ZDHHC11: variants seen among roughly 807,000 people sequenced by gnomAD.
ZDHHC11 encodes palmitoyltransferase ZDHHC11.
Under a neutral mutation model 51.3 loss-of-function variants are expected in ZDHHC11, and 44 were observed. The ratio of observed to expected loss-of-function variants is 0.86; its 90% confidence interval spans 0.67 to 1.10. The LOEUF (loss-of-function observed/expected upper bound fraction) is 1.10. Ranked by LOEUF, ZDHHC11 falls within the 50% of genes least tolerant of loss-of-function variation. The probability of loss-of-function intolerance (pLI) is 0.00; values close to 1 mark genes in which losing one functional copy is unlikely to be tolerated. For synonymous variants in ZDHHC11, 163 were observed against 222.0 expected (o/e 0.73, Z 2.36); for missense variants, 400 against 537.7 (o/e 0.74, Z 2.53).
chr5:842,843 G>C (rs139911083), intron 4 of ZDHHC11, among the ~76,000 whole-genome samples: 1 of 151,502 alleles, frequency 6.6e-6, no homozygotes, highest in African/African-American at 2.4e-5. Flanking sequence ...GGCTCCCGGC[G>C]ACCCCGGGCT....
rs530297907 is a variant in ZDHHC11 at position 820,568 on chromosome 5, G to A, written c.1059-956C>T. Among the ~76,000 whole-genome samples, 96 of 151,352 alleles carry A rather than the reference G, an allele frequency of 6.3e-4. 2 individuals carry two copies. Among genetic ancestry groups the A allele is most frequent in the African/African-American group, 2.2e-3 (89 of 41,362 alleles). ...GCCGGTGTCTGTGAGGGGTGGGGCT[G>A]GTGCACACCTGGGGAAGGGGGGCTG... On this transcript the variant is annotated intron_variant, in intron 9 of 12. Transcript: ENST00000283441.
In ZDHHC11 at chr5:819,573, C is replaced by G. The variant is rs377557805; in HGVS notation, c.1098G>C (p.Leu366=). 6.2e-7 allele frequency: 1 copy of G among 1,609,934 alleles called. No individual in the cohort carries two copies. Among genetic ancestry groups the G allele is most frequent in the Non-Finnish European group, 8.5e-7 (1 of 1,176,728 alleles). The stretch of plus-strand genomic sequence containing the variant: ...GGTGTACACGAGTGGAGAACTGACA[C>G]AGGCGCCTGCAAATCAGCCGGGAGT... The part of the protein sequence containing the change: ...ARNSRLICRR[L]CQFSTRVHPD... Residue 366 remains leucine, a synonymous_variant, in exon 10 of 13, where the codon CTG becomes CTC. Transcript: ENST00000283441.
chr5:803,027 A>C (rs1050927568), intron 11 of ZDHHC11, among the ~76,000 whole-genome samples: 2 of 149,998 alleles, frequency 1.3e-5, no homozygotes, highest in Non-Finnish European at 3.0e-5. Flanking sequence ...TCTCAAAAAA[A>C]AAAAAGAAAA....
intron 4 of ZDHHC11, 178 bp from the exon 5 acceptor site, chr5:840,828 C>T (rs1282259741): frequency 6.8e-7 from 1 of 1,479,994 alleles, no homozygotes; most frequent in African/African-American, 1.4e-5. Flanking sequence ...GCCCTGCTGC[C>T]TTCGGTTGGT....
At chr5:849,183 C>T (rs1226637899) in intron 1 of ZDHHC11, among the ~76,000 whole-genome samples, 1 of 152,198 alleles carries the variant, frequency 6.6e-6, no homozygotes, top group African/African-American at 2.4e-5. Flanking sequence ...CATACACAGC[C>T]CTGTGCCAGT....
At chr5:797,100 AG>A (rs1737696560) in intron 12 of ZDHHC11, among the ~76,000 whole-genome samples, 1 of 150,132 alleles carries the variant, frequency 6.7e-6, no homozygotes, top group Non-Finnish European at 1.5e-5. Flanking sequence ...CCAGCTACTC[AG>A]GAAGCTGAGG....
intron 5 of ZDHHC11, among the ~76,000 whole-genome samples, chr5:838,853 C>T (rs532449774): frequency 8.2e-5 from 12 of 146,954 alleles, no homozygotes; most frequent in South Asian, 2.1e-4. Flanking sequence ...CAGCACCCCA[C>T]GTGCTCAGCA....
At chr5:797,803 T>G (rs1376566182) in intron 12 of ZDHHC11, among the ~76,000 whole-genome samples, 8 of 151,334 alleles carry the variant, frequency 5.3e-5, no homozygotes, top group African/African-American at 1.9e-4. Context: ...ATGTGGTGGG[T>G]TGTTTTTCAT....
chr5:796,647 G>T (rs1392892309), intron 12 of ZDHHC11, 67 bp from the exon 13 acceptor site: 2 of 151,712 alleles, frequency 1.3e-5, no homozygotes, highest in Admixed American at 6.6e-5. Flanking sequence ...TACTTGTGAT[G>T]GAAACCCACC....
chr5:850,350 C>G (rs775338624), intron 1 of ZDHHC11, 31 bp downstream of exon 1: 1 of 1,606,922 alleles, frequency 6.2e-7, no homozygotes, highest in Non-Finnish European at 8.5e-7. Flanking sequence ...GAACCCCTCC[C>G]GCTTAGACCA....
rs1579645202 is a variant in ZDHHC11 at position 824,780 on chromosome 5, A to T, written c.1023+384T>A. 9.9e-5 allele frequency among the ~76,000 whole-genome samples: 15 copies of T among 151,384 alleles called. No individual in the cohort carries two copies. In the South Asian group the frequency reaches 3.1e-3, roughly 32 times the overall value. ...CTAAGCATTTTATTTAAAAAAAAAA[A>T]AAAAACAGCACATGGCTTCTGCCAT... On this transcript the variant is annotated intron_variant, in intron 8 of 12. Transcript: ENST00000283441.
chr5:803,400 G>GGATAAA (rs1301814009), intron 11 of ZDHHC11, among the ~76,000 whole-genome samples: 2 of 151,302 alleles, frequency 1.3e-5, no homozygotes, highest in East Asian at 3.8e-4. Context: ...ACTGGTCATA[G>GGATAAA]AGATAAAGGA....
At chr5:850,249 G>A in intron 1 of ZDHHC11, 132 bp downstream of exon 1, 1 of 1,055,266 alleles carries the variant, frequency 9.5e-7, no homozygotes, top group Admixed American at 2.2e-5. Context: ...TGCAGGCTCA[G>A]GGGACATAGT....
rs765958444 is a variant in ZDHHC11, at chr5:850,494, G to T, written c.109C>A (p.Pro37Thr). 6.2e-7 allele frequency: 1 copy of T among 1,613,722 alleles called. No individual in the cohort carries two copies. The highest frequency in any genetic ancestry group is 8.5e-7 in the Non-Finnish European group (1 of 1,180,032). ...RISRVNGWSL[P>T]LHYFQVVTWA... ...GTCACCACCTGGAAGTAGTGCAGGG[G>T]TAACGACCAGCCGTTCACTCTGGAG... The change falls in exon 1 of 13, where the codon CCC becomes ACC. Residue 37 changes from proline (P) to threonine (T), a missense_variant. Physicochemically the swap from Pro to Thr is conservative, Grantham distance 38. This residue lies in a region of ZDHHC11 where 119 missense variants were observed against 99.6 expected (regional missense o/e 1.20). Transcript: ENST00000283441.
chr5:840,631 C>T lies in ZDHHC11; in HGVS notation c.648G>A (p.Thr216=), dbSNP rs139619505. The T allele has an allele frequency of 1.0e-4, 164 of 1,613,754 alleles. No homozygotes were observed. Among genetic ancestry groups the T allele is most frequent in the Non-Finnish European group, 1.3e-4 (148 of 1,179,812 alleles). The change falls in exon 5 of 13, where the codon ACG becomes ACA. Residue 216 remains threonine, a synonymous_variant. Coordinates refer to ENST00000283441, the MANE Select transcript of ZDHHC11 (RefSeq NM_024786.3). The part of the protein sequence containing the change: ...PRYEDVKNMN[T]WLLFLPLFPV... The stretch of plus-strand genomic sequence containing the variant: ...GGAACAGGGGGAGGAACAGCAGCCA[C>T]GTGTTCATATTCTTGACATCTGGGG...
upstream of ZDHHC11, among the ~76,000 whole-genome samples, chr5:860,350 A>G (rs757470239): frequency 6.6e-6 from 1 of 152,106 alleles, no homozygotes; most frequent in Non-Finnish European, 1.5e-5. This position sits in a 1 kb window ranked among gnomAD's most constrained non-coding sequence, Gnocchi z 4.2. Flanking sequence ...GCCTCTTCCA[A>G]AGGTTTTCTT....
Position 795,976 on chromosome 5 carries a change from C to CTGTGCTCCCATTTCTCAGTAG in ZDHHC11, c.*591_*611dup, listed in dbSNP as rs1737518353. On this transcript the variant is annotated 3_prime_UTR_variant, in exon 13 of 13. Coordinates refer to ENST00000283441, the MANE Select transcript of ZDHHC11 (RefSeq NM_024786.3). ...AGTACTGTATGCCCATTTCCCAGTA[C>CTGTGCTCCCATTTCTCAGTAG]TGTGCTCCCATTTCTCAGTAGTGTA... The CTGTGCTCCCATTTCTCAGTAG allele has an allele frequency of 7.8e-5, 12 of 154,092 alleles. No homozygotes were observed. Among genetic ancestry groups the CTGTGCTCCCATTTCTCAGTAG allele is most frequent in the African/African-American group, 2.9e-4 (12 of 40,838 alleles). The allele number at this position is 154,092 out of a possible 1,614,324, so 9.5% of individuals were successfully genotyped here.
upstream of ZDHHC11, among the ~76,000 whole-genome samples, chr5:858,998 C>T (rs1282381289): frequency 1.3e-5 from 2 of 151,924 alleles, no homozygotes; most frequent in East Asian, 1.9e-4. Context: ...CTGCCCTGGT[C>T]GACACGGTAG....
intron 10 of ZDHHC11, chr5:816,727 GAGA>G (rs1409115048): frequency 2.4e-5 from 13 of 543,624 alleles, no homozygotes; most frequent in Middle Eastern, 3.1e-4. Context: ...CTCATCTAAG[GAGA>G]AGACCATCTT....
Sources: gnomAD v4.1 joint callset for allele counts (sites outside exome capture counted in the v4.1 genomes callset) on GRCh38, gnomAD v4.1.1 for gene constraint, gnomAD v4.1.1 regional missense constraint, Gnocchi (gnomAD v3.1) non-coding constraint, MANE v1.5 for transcripts, NCBI Gene and HGNC (gene_info 2026-07-23, HGNC 2026-07-21) for gene names.